Variants in PPEF1 observed in about 807,000 individuals in gnomAD.
PPEF1 encodes the protein protein phosphatase with EF-hand domain 1.
A neutral mutation model predicts 53.3 loss-of-function variants in PPEF1; 12 were observed. The ratio of observed to expected loss-of-function variants is 0.23; its 90% CI spans 0.14 to 0.36. The LOEUF is 0.36. Among genes scored for constraint, PPEF1 ranks in the 10% least tolerant of loss-of-function variants. The pLI is 1.00. For missense variants in PPEF1, 334 were observed against 490.4 expected (o/e 0.68, Z 3.01); for synonymous variants, 165 against 176.7 (o/e 0.93, Z 0.52).
At chrX:18,738,484 C>G (rs935017528) in intron 3 of PPEF1, among the ~76,000 whole-genome samples, 116 of 111,890 alleles carry the variant, frequency 1.0e-3, no homozygotes, top group African/African-American at 3.1e-3. Context: ...GAGTTTCTGC[C>G]GAGAGATCCG....
At chrX:18,728,710 C>T (rs2044766665) in intron 1 of PPEF1, among the ~76,000 whole-genome samples, 1 of 111,387 alleles carries the variant, frequency 9.0e-6, no homozygotes, top group Admixed American at 9.6e-5. Flanking sequence ...GTCCCTGGAA[C>T]CCAAGAGCCT....
chrX:18,808,788 C>T (rs1200587813), intron 12 of PPEF1, among the ~76,000 whole-genome samples: 3 of 111,156 alleles, frequency 2.7e-5, no homozygotes, highest in Admixed American at 9.7e-5. Flanking sequence ...GAAAAGGGAA[C>T]GCTTGTACTC....
At chrX:18,730,105 C>A in intron 1 of PPEF1, 76 bp from the exon 2 acceptor site, 1 of 1,029,589 alleles carries the variant, frequency 9.7e-7, no homozygotes, top group Non-Finnish European at 1.3e-6. Flanking sequence ...TTTTTTTTTC[C>A]ACTGAAGCAC....
chrX:18,768,188 G>A (rs752372101), intron 6 of PPEF1, among the ~76,000 whole-genome samples: 1 of 111,913 alleles, frequency 8.9e-6, no homozygotes, highest in Non-Finnish European at 1.9e-5. Context: ...ATCTTGAATT[G>A]TGGGGAATAG....
intron 6 of PPEF1, among the ~76,000 whole-genome samples, chrX:18,776,861 G>A (rs1269901751): frequency 2.7e-5 from 3 of 111,636 alleles, no homozygotes; most frequent in Admixed American, 9.5e-5. Flanking sequence ...CGGAGGTTGC[G>A]GTGAGCTGAG....
At chrX:18,808,269 G>A (rs897332707) in intron 12 of PPEF1, among the ~76,000 whole-genome samples, 1 of 110,461 alleles carries the variant, frequency 9.1e-6, no homozygotes, top group African/African-American at 3.3e-5. Context: ...CCGGCCGTAC[G>A]TATATTTTTT....
chrX:18,682,248 T>C (rs994812860), upstream of PPEF1, among the ~76,000 whole-genome samples: 3 of 112,523 alleles, frequency 2.7e-5, no homozygotes, highest in Non-Finnish European at 5.6e-5. Context: ...ACTGGACACC[T>C]CTGCCACTAA....
chrX:18,752,727 CT>C (rs34251013), intron 4 of PPEF1, among the ~76,000 whole-genome samples: 69 of 96,915 alleles, frequency 7.1e-4, no homozygotes, highest in African/African-American at 1.0e-3. Context: ...TTGTCAAATG[CT>C]TTTTTTTTTT....
chrX:18,805,949 C>G (rs2046651754), intron 11 of PPEF1, among the ~76,000 whole-genome samples: 3 of 109,461 alleles, frequency 2.7e-5, no homozygotes, highest in African/African-American at 1.0e-4. Flanking sequence ...GCACCTCTGC[C>G]CTTAAAGCAC....
chrX:18,680,670 G>A (rs1928849523), upstream of PPEF1, among the ~76,000 whole-genome samples: 1 of 109,854 alleles, frequency 9.1e-6, no homozygotes, highest in Non-Finnish European at 1.9e-5. Flanking sequence ...ACAACGTGCA[G>A]GTTTGTTACA....
chrX:18,772,674 T>A (rs989616034), intron 6 of PPEF1, among the ~76,000 whole-genome samples: 5 of 112,407 alleles, frequency 4.4e-5, no homozygotes, highest in African/African-American at 6.5e-5. Flanking sequence ...TATAAACATT[T>A]AGTATCTCAC....
At chrX:18,740,700 C>A (rs1453252498) in intron 3 of PPEF1, among the ~76,000 whole-genome samples, 1 of 111,595 alleles carries the variant, frequency 9.0e-6, no homozygotes, top group African/African-American at 3.3e-5. Flanking sequence ...TGAGCCACTG[C>A]ACCCGGCCTC....
At chrX:18,784,211 ATGAC>A (rs1401034856) in intron 9 of PPEF1, among the ~76,000 whole-genome samples, 163 bp downstream of exon 9, 1 of 112,051 alleles carries the variant, frequency 8.9e-6, no homozygotes, top group Non-Finnish European at 1.9e-5. Context: ...AGAAAAATCT[ATGAC>A]TGCATGATAA....
At chrX:18,779,758 G>C (rs1381711047) in intron 7 of PPEF1, among the ~76,000 whole-genome samples, 1 of 112,257 alleles carries the variant, frequency 8.9e-6, no homozygotes, top group Non-Finnish European at 1.9e-5. Flanking sequence ...GGTGACAAAT[G>C]TTCCCTTTTC....
chrX:18,692,189 A>G (rs1222602266), intron 4 of PPEF1, among the ~76,000 whole-genome samples: 1 of 112,112 alleles, frequency 8.9e-6, no homozygotes, highest in Non-Finnish European at 1.9e-5. Context: ...GGGATATTTC[A>G]ACAGTGAGGT....
chrX:18,751,719 G>A (rs1345800451), intron 4 of PPEF1, among the ~76,000 whole-genome samples: 4 of 112,339 alleles, frequency 3.6e-5, no homozygotes, highest in African/African-American at 1.3e-4. Context: ...GGTGGAGGTT[G>A]CAGTGAGCCG....
intron 11 of PPEF1, 103 bp from the exon 12 acceptor site, chrX:18,806,300 T>C: frequency 3.4e-6 from 3 of 875,225 alleles, no homozygotes; most frequent in Non-Finnish European, 4.8e-6. Flanking sequence ...TTATGAACCT[T>C]CTTTGATTTT....
intron 1 of PPEF1, among the ~76,000 whole-genome samples, chrX:18,677,962 A>G (rs1372143551): frequency 2.7e-5 from 3 of 110,014 alleles, no homozygotes; most frequent in Admixed American, 1.9e-4. Flanking sequence ...GAGGGGTACT[A>G]TAGGCACCCA....
At chrX:18,751,238 T>C (rs1246063352) in intron 4 of PPEF1, among the ~76,000 whole-genome samples, 2 of 112,033 alleles carry the variant, frequency 1.8e-5, no homozygotes, top group Non-Finnish European at 3.8e-5. Context: ...TGGTTGCTTG[T>C]GCTTTTGGTG....
Sources: allele counts gnomAD v4.1 joint callset (sites outside exome capture counted in the v4.1 genomes callset), GRCh38; gene constraint gnomAD v4.1.1; transcripts MANE v1.5; gene names NCBI Gene and HGNC (gene_info 2026-07-23, HGNC 2026-07-21).